RELN: variants seen among roughly 807,000 people sequenced by gnomAD.
RELN encodes the protein reelin.
In RELN, 108 loss-of-function variants were observed where a neutral mutation model predicts 427.6. That is an observed-to-expected ratio of 0.25 (90% CI 0.22 to 0.30). The LOEUF is 0.30. Ranked by LOEUF, RELN falls within the 10% of genes least tolerant of loss-of-function variation. RELN has a pLI of 1.00. For missense variants in RELN, 3,715 were observed against 4,302.8 expected (o/e 0.86, Z 3.82); for synonymous variants, 1,524 against 1,513.4 (o/e 1.01, Z -0.16).
At chr7:103,961,369 AAATC>A (rs2116791553) in intron 1 of RELN, among the ~76,000 whole-genome samples, 2 of 152,220 alleles carry the variant, frequency 1.3e-5, no homozygotes, top group South Asian at 4.1e-4. Flanking sequence ...TGAAGCTCAG[AAATC>A]AAAAGACTGA....
chr7:103,495,489 A>G (rs180926831), intron 57 of RELN, among the ~76,000 whole-genome samples: 224 of 152,250 alleles, frequency 1.5e-3, no homozygotes, highest in African/African-American at 5.0e-3. Context: ...CTTTTGCACC[A>G]GCCTAATAGT....
intron 17 of RELN, among the ~76,000 whole-genome samples, chr7:103,639,683 G>A (rs1229450474): frequency 6.6e-6 from 1 of 152,062 alleles, no homozygotes; most frequent in Non-Finnish European, 1.5e-5. Flanking sequence ...ACAGGCATGA[G>A]CCACCATGCC....
At chr7:103,902,104 G>T (rs1795095264) in intron 2 of RELN, among the ~76,000 whole-genome samples, 1 of 151,918 alleles carries the variant, frequency 6.6e-6, no homozygotes, top group African/African-American at 2.4e-5. Flanking sequence ...TCAGCTCCTT[G>T]CTGAAAAAGG....
intron 52 of RELN, among the ~76,000 whole-genome samples, chr7:103,501,925 G>A (rs2528855): frequency 0.072 from 10,890 of 152,234 alleles, 878 homozygotes; most frequent in African/African-American, 0.2. Context: ...CTCACTGGAC[G>A]TAAGTACGGA....
intron 2 of RELN, among the ~76,000 whole-genome samples, chr7:103,873,453 C>T (rs1282718517): frequency 3.7e-4 from 41 of 110,158 alleles, no homozygotes; most frequent in Admixed American, 9.4e-4. Flanking sequence ...ATTGATAGAC[C>T]GCTAGCAAGA....
At chr7:103,498,002 T>C in intron 54 of RELN, 75 bp downstream of exon 54, 1 of 1,598,810 alleles carries the variant, frequency 6.3e-7, no homozygotes, top group African/African-American at 1.3e-5. Context: ...GATAATTTCT[T>C]CCATACAAGT....
At chr7:103,753,552 T>C (rs755454278) in intron 4 of RELN, among the ~76,000 whole-genome samples, 3 of 152,216 alleles carry the variant, frequency 2.0e-5, no homozygotes, top group Non-Finnish European at 4.4e-5. Flanking sequence ...CACAATGATA[T>C]ACATTCTCTC....
chr7:103,885,668 C>A (rs981647186), intron 2 of RELN, among the ~76,000 whole-genome samples: 1 of 152,118 alleles, frequency 6.6e-6, no homozygotes, highest in African/African-American at 2.4e-5. Context: ...AGCAAACCAC[C>A]ATGGCACAAG....
rs10458284 is a variant in RELN at position 103,899,906 on chromosome 7, T to G, written c.337+17169A>C. Among the ~76,000 whole-genome samples the G allele has an allele frequency of 1.2e-4, 18 of 152,012 alleles. No homozygotes were observed. The South Asian group carries it at 3.7e-3, about 32-fold the overall frequency. ...CCAGCACAAGGCAAGGATGCCCTCT[T>G]TCACCACTCCTATTCAACACAGTAT... is the stretch of plus-strand genomic sequence containing the variant. On this transcript the variant is annotated intron_variant, in intron 2 of 64. Transcript: ENST00000428762.
At chr7:103,497,174 TCTTG>T (rs1828868393) in intron 55 of RELN, among the ~76,000 whole-genome samples, 2 of 136,930 alleles carry the variant, frequency 1.5e-5, no homozygotes, top group African/African-American at 2.5e-5. Context: ...GTTTATCTCT[TCTTG>T]CTTGATAAGA....
intron 1 of RELN, among the ~76,000 whole-genome samples, chr7:103,943,433 C>A (rs1796155765): frequency 6.6e-6 from 1 of 152,094 alleles, no homozygotes; most frequent in Non-Finnish European, 1.5e-5. Context: ...TTTAATGAGA[C>A]CTTCTTGAGG....
At chr7:103,690,909 A>AAACACTGT (rs1276613115) in intron 10 of RELN, among the ~76,000 whole-genome samples, 2 of 152,144 alleles carry the variant, frequency 1.3e-5, no homozygotes, top group Non-Finnish European at 2.9e-5. Flanking sequence ...TTCTCTGTAA[A>AAACACTGT]AACACTGTAA....
At chr7:103,791,490 G>A (rs761099465) in intron 3 of RELN, among the ~76,000 whole-genome samples, 1 of 152,126 alleles carries the variant, frequency 6.6e-6, no homozygotes, top group Admixed American at 6.6e-5. Context: ...GAAGAAAGAG[G>A]TCTTTAAAAC....
At chr7:103,550,602 C>T (rs1293998613) in intron 41 of RELN, among the ~76,000 whole-genome samples, 3 of 147,656 alleles carry the variant, frequency 2.0e-5, no homozygotes, top group African/African-American at 7.5e-5. Flanking sequence ...TGCCTGGGGG[C>T]AACGTGCTAA....
At chr7:103,821,017 A>T (rs533451752) in intron 3 of RELN, among the ~76,000 whole-genome samples, 1 of 152,170 alleles carries the variant, frequency 6.6e-6, no homozygotes, top group Non-Finnish European at 1.5e-5. Flanking sequence ...TAATTTAAAC[A>T]ATACCGAACT....
intron 20 of RELN, among the ~76,000 whole-genome samples, chr7:103,615,754 T>G (rs888894847): frequency 6.6e-6 from 1 of 152,146 alleles, no homozygotes; most frequent in Non-Finnish European, 1.5e-5. Context: ...CAAAGAATGT[T>G]TGTTAAATAA....
rs1376812440 is a variant in RELN at position 103,610,698 on chromosome 7, G to C, written c.3005C>G (p.Thr1002Ser). 6 of 1,524,498 alleles carry C rather than the reference G, an allele frequency of 3.9e-6. No homozygotes were observed. The highest frequency in any genetic ancestry group is 5.5e-6 in the Non-Finnish European group (6 of 1,099,034). The allele number at this position is 1,524,498 out of a possible 1,614,324, so 94.4% of individuals were successfully genotyped here. A position where few individuals can be genotyped will look rare whatever the true frequency, so the allele number is the denominator to read the frequency against. Residue 1002 changes from threonine (T) to serine (S), a missense_variant, in exon 22 of 65, where the codon ACT becomes AGT. By Grantham distance (58) the Thr-to-Ser change is moderately conservative (BLOSUM62 1). This residue lies in a region of RELN where 2,208 missense variants were observed against 2,361.7 expected (regional missense o/e 0.93). Transcript: ENST00000428762. ...ATATCTAAAGATGTCATCTCACCAA[G>C]TTTTCTGGGGAAGAAGCACTATGAC... ...RRVIVLLPQK[T>S]WSSATRFRWS... is the part of the protein sequence containing the mutation.
At chr7:103,722,606 C>T (rs754554395) in intron 8 of RELN, among the ~76,000 whole-genome samples, 2 of 151,958 alleles carry the variant, frequency 1.3e-5, no homozygotes, top group Non-Finnish European at 2.9e-5. Flanking sequence ...TTACTGAATG[C>T]TTTGGGTAGG....
intron 46 of RELN, among the ~76,000 whole-genome samples, chr7:103,532,603 A>G (rs1466045589): frequency 3.3e-5 from 5 of 152,108 alleles, no homozygotes; most frequent in Admixed American, 2.0e-4. Flanking sequence ...ATGGTCTGAC[A>G]CCATCTCATA....
Sources: gnomAD v4.1 joint callset for allele counts (sites outside exome capture counted in the v4.1 genomes callset) on GRCh38, gnomAD v4.1.1 for gene constraint, gnomAD v4.1.1 regional missense constraint, MANE v1.5 for transcripts, NCBI Gene and HGNC (gene_info 2026-07-23, HGNC 2026-07-21) for gene names.